SLC14A2: variants seen among roughly 807,000 people sequenced by gnomAD.
The protein encoded by SLC14A2 is solute carrier family 14 member 2.
In SLC14A2, 91 loss-of-function variants were observed where a neutral mutation model predicts 104.6. The ratio of observed to expected loss-of-function variants is 0.87; its 90% CI spans 0.73 to 1.04. SLC14A2 has a LOEUF of 1.04. SLC14A2 is among the 50% of genes least tolerant of loss of function. The pLI is 0.00. For synonymous variants in SLC14A2, 476 were observed against 466.4 expected (o/e 1.02, Z -0.27); for missense variants, 1,189 against 1,156.0 (o/e 1.03, Z -0.41).
intron 2 of SLC14A2, among the ~76,000 whole-genome samples, chr18:45,548,423 G>T (rs777265243): frequency 4.6e-5 from 7 of 152,242 alleles, no homozygotes; most frequent in African/African-American, 7.2e-5. Flanking sequence ...CACAAATTTG[G>T]CAGGGCATGG....
At chr18:45,572,874 G>C (rs1176405278) in intron 2 of SLC14A2, among the ~76,000 whole-genome samples, 1 of 151,848 alleles carries the variant, frequency 6.6e-6, no homozygotes, top group African/African-American at 2.4e-5. Flanking sequence ...TATTCTGAGA[G>C]GTTTAAAAAA....
At chr18:45,471,048 A>G (rs1347255304) in intron 1 of SLC14A2, among the ~76,000 whole-genome samples, 2 of 152,112 alleles carry the variant, frequency 1.3e-5, no homozygotes, top group African/African-American at 4.8e-5. Flanking sequence ...TTCTTCTGCC[A>G]TAGTTTCTTC....
In SLC14A2 at chr18:45,419,773, CAA is replaced by C. The variant is rs56030142; in HGVS notation, c.-124-63445_-124-63444del. On this transcript the variant is annotated intron_variant, in intron 1 of 20. Coordinates refer to the SLC14A2 transcript ENST00000586448. The stretch of plus-strand genomic sequence containing the variant: ...TGGGCGACAGAGGAAGACTCCAACT[CAA>C]AAAAAAAAAAAAAATCTCCAGTTTT... Among the ~76,000 whole-genome samples the C allele has an allele frequency of 6.0e-3, 836 of 138,548 alleles. 2 individuals carry two copies. Among genetic ancestry groups the C allele is most frequent in the Middle Eastern group, 0.011 (3 of 276 alleles). 90.9% of individuals were successfully genotyped at this position (138,548 alleles called of 152,430 possible).
intron 2 of SLC14A2, among the ~76,000 whole-genome samples, chr18:45,608,846 G>C (rs2044919626): frequency 6.6e-6 from 1 of 152,180 alleles, no homozygotes; most frequent in South Asian, 2.1e-4. Flanking sequence ...TTAGGCGTGA[G>C]GGGGGCATGG....
chr18:45,259,022 C>A (rs1481266815), intron 1 of SLC14A2, among the ~76,000 whole-genome samples: 1 of 152,232 alleles, frequency 6.6e-6, no homozygotes, highest in Non-Finnish European at 1.5e-5. Flanking sequence ...CACTGGCACA[C>A]TCACACGTGG....
Position 45,468,399 on chromosome 18 carries a change from A to C in SLC14A2, c.-124-14834A>C, listed in dbSNP as rs111514515. On this transcript the variant is annotated intron_variant, in intron 1 of 20. Coordinates refer to the SLC14A2 transcript ENST00000586448. ...TTTCAAAATGCATTTAATCATCTAG[A>C]GTTCTGGAAACTTAGCAAAGGGGCA... Among the ~76,000 whole-genome samples, 140 of 152,178 alleles carry C rather than the reference A, an allele frequency of 9.2e-4. 1 individual carries two copies. The highest frequency in any genetic ancestry group is 3.1e-3 in the African/African-American group (129 of 41,534).
intron 2 of SLC14A2, among the ~76,000 whole-genome samples, chr18:45,510,805 C>T (rs1179394308): frequency 6.6e-6 from 1 of 152,208 alleles, no homozygotes; most frequent in Non-Finnish European, 1.5e-5. Flanking sequence ...AGCAGCATTT[C>T]CAGCTGGCAT....
intron 1 of SLC14A2, among the ~76,000 whole-genome samples, chr18:45,457,472 G>C (rs957069831): frequency 6.6e-6 from 1 of 152,146 alleles, no homozygotes; most frequent in Admixed American, 6.5e-5. Context: ...CCTCAGTGTT[G>C]GTAGCTCATA....
chr18:45,429,001 A>G (rs1009131350), intron 1 of SLC14A2, among the ~76,000 whole-genome samples: 4 of 152,182 alleles, frequency 2.6e-5, no homozygotes, highest in Non-Finnish European at 4.4e-5. Flanking sequence ...GGAGTACTAG[A>G]TGGTTCATTA....
At chr18:45,310,007 G>T (rs1261193044) in intron 1 of SLC14A2, among the ~76,000 whole-genome samples, 3 of 151,508 alleles carry the variant, frequency 2.0e-5, no homozygotes, top group Non-Finnish European at 4.4e-5. Context: ...CAACAGATTG[G>T]TTTTGAGATT....
chr18:45,264,275 A>G (rs973049691), intron 1 of SLC14A2, among the ~76,000 whole-genome samples: 1 of 152,092 alleles, frequency 6.6e-6, no homozygotes, highest in Non-Finnish European at 1.5e-5. Flanking sequence ...ATTTACCAAC[A>G]GTGAAAAGGA....
chr18:45,413,167 A>G (rs576594421), intron 1 of SLC14A2, among the ~76,000 whole-genome samples: 10 of 152,312 alleles, frequency 6.6e-5, no homozygotes, highest in African/African-American at 1.9e-4. Context: ...AAAGATAATT[A>G]CACAGAGTAG....
At chr18:45,323,751 C>T (rs1274730631) in intron 1 of SLC14A2, among the ~76,000 whole-genome samples, 1 of 152,224 alleles carries the variant, frequency 6.6e-6, no homozygotes, top group Non-Finnish European at 1.5e-5. Context: ...GTTCCTATCT[C>T]AGTGGACTTG....
At chr18:45,637,403 G>A (rs1053937968) in intron 6 of SLC14A2, among the ~76,000 whole-genome samples, 9 of 152,154 alleles carry the variant, frequency 5.9e-5, no homozygotes, top group African/African-American at 1.7e-4. Context: ...TTCAGATACT[G>A]ATAATACAAG....
At chr18:45,265,742 C>T (rs746166804) in intron 1 of SLC14A2, among the ~76,000 whole-genome samples, 2 of 152,074 alleles carry the variant, frequency 1.3e-5, no homozygotes, top group African/African-American at 4.8e-5. Context: ...GAGGGCAAGC[C>T]CATCATTTGG....
intron 10 of SLC14A2, among the ~76,000 whole-genome samples, chr18:45,658,521 C>T (rs937575464): frequency 2.0e-5 from 3 of 151,558 alleles, no homozygotes; most frequent in Non-Finnish European, 4.4e-5. Context: ...GCGGAGGTTG[C>T]AGTGAGCCGA....
chr18:45,194,526 A>T, the SLC14A2 span, among the ~76,000 whole-genome samples: 1 of 152,080 alleles, frequency 6.6e-6, no homozygotes, highest in African/African-American at 2.4e-5. Context: ...TTAAGCTTGC[A>T]TGCTCAGGGT....
At chr18:45,380,618 G>A (rs538726657) in intron 1 of SLC14A2, among the ~76,000 whole-genome samples, 15 of 152,136 alleles carry the variant, frequency 9.9e-5, no homozygotes, top group Non-Finnish European at 1.9e-4. Flanking sequence ...GATGTTTCAG[G>A]GTGACACAGG....
chr18:45,666,178 C>T lies in SLC14A2; in HGVS notation c.1516C>T (p.Pro506Ser), dbSNP rs1201373484. Residue 506 changes from proline to serine, a missense_variant, in exon 12 of 20, where the codon CCA (proline) becomes TCA (serine). By Grantham distance (74) the Pro-to-Ser change is moderately conservative. Transcript: ENST00000255226. The part of the protein sequence containing the change: ...GEHQERQNKD[P>S]FPYRYRKPTV... ...ACACCAGGAAAGACAAAACAAAGAC[C>T]CATTTCCCTATCGATACCGGAAGCC... 6.2e-7 allele frequency: 1 copy of T among 1,613,930 alleles called. No individual in the cohort carries two copies. Among genetic ancestry groups the T allele is most frequent in the Admixed American group, 1.7e-5 (1 of 60,018 alleles).
Sources: gnomAD v4.1 joint callset for allele counts (sites outside exome capture counted in the v4.1 genomes callset) on GRCh38, gnomAD v4.1.1 for gene constraint, MANE v1.5 for transcripts, NCBI Gene and HGNC (gene_info 2026-07-23, HGNC 2026-07-21) for gene names.